AGMO: variants seen among roughly 807,000 people sequenced by gnomAD.
AGMO encodes the protein glyceryl-ether monooxygenase.
Under a neutral mutation model 60.2 loss-of-function variants are expected in AGMO, and 75 were observed. The ratio of observed to expected loss-of-function variants is 1.25; its 90% CI spans 1.03 to 1.51. The LOEUF (loss-of-function observed/expected upper bound fraction) is 1.51. Among genes scored for constraint, AGMO ranks in the 40% most tolerant of loss-of-function variants. The pLI is 0.00. For synonymous variants in AGMO, 261 were observed against 177.1 expected, an observed-to-expected ratio of 1.47 and a Z score of -3.76; for missense variants, 763 against 525.5, an observed-to-expected ratio of 1.45 and a Z score of -4.42.
intron 2 of AGMO, among the ~76,000 whole-genome samples, chr7:15,552,491 C>G (rs1437199230): frequency 6.7e-6 from 1 of 149,524 alleles, no homozygotes; most frequent in African/African-American, 2.5e-5. Context: ...ACAAACAACC[C>G]CATCAAAAAG....
intron 12 of AGMO, among the ~76,000 whole-genome samples, chr7:15,237,858 T>A (rs887907544): frequency 6.6e-6 from 1 of 152,106 alleles, no homozygotes; most frequent in African/African-American, 2.4e-5. Flanking sequence ...CTCTGCCCCT[T>A]TGAATATAAA....
chr7:15,145,612 T>C, the AGMO span, among the ~76,000 whole-genome samples: 1 of 152,152 alleles, frequency 6.6e-6, no homozygotes, highest in Admixed American at 6.5e-5. Flanking sequence ...TAAACCCTAG[T>C]GTTTTAAAGG....
chr7:15,405,932 C>T (rs559186909), intron 5 of AGMO, among the ~76,000 whole-genome samples: 1 of 151,884 alleles, frequency 6.6e-6, no homozygotes, highest in South Asian at 2.1e-4. Context: ...ACTCTCTTAT[C>T]CCTGAAATGT....
At chr7:15,230,500 C>G (rs759510549) in intron 12 of AGMO, among the ~76,000 whole-genome samples, 5 of 152,154 alleles carry the variant, frequency 3.3e-5, no homozygotes, top group African/African-American at 7.2e-5. Flanking sequence ...CTCCTCACAC[C>G]AGACTTGGTG....
intron 2 of AGMO, among the ~76,000 whole-genome samples, chr7:15,558,015 CTCT>C (rs1279244688): frequency 2.0e-5 from 3 of 150,248 alleles, no homozygotes. Context: ...CTCTCTCTCT[CTCT>C]CCCCCCTTTC....
rs1471981021 is a variant in AGMO, at chr7:15,322,711, TATAA to T, written c.1263+42799_1263+42802del. On this transcript the variant is annotated intron_variant, in intron 12 of 12. Transcript: ENST00000342526. ...AAATATATGAATATGTATAAATATA[TATAA>T]ATATATAAATATATATATAAATATA... 4.6e-5 allele frequency among the ~76,000 whole-genome samples: 2 copies of T among 43,802 alleles called. 1 individual carries two copies. Among genetic ancestry groups the T allele is most frequent in the African/African-American group, 2.6e-4 (2 of 7,672 alleles). The allele number at this position is 43,802 out of a possible 152,430, so 28.7% of individuals were successfully genotyped here.
chr7:15,554,268 T>G (rs926594962), intron 2 of AGMO, among the ~76,000 whole-genome samples: 1 of 152,044 alleles, frequency 6.6e-6, no homozygotes, highest in Non-Finnish European at 1.5e-5. Flanking sequence ...ATTTAAACTG[T>G]CTAAACTCCA....
intron 6 of AGMO, among the ~76,000 whole-genome samples, chr7:15,392,289 GGT>G (rs561056679): frequency 2.7e-3 from 403 of 146,606 alleles, no homozygotes; most frequent in Non-Finnish European, 4.4e-3. Context: ...TAGCCAGGAT[GGT>G]GTCTTATCTC....
intron 3 of AGMO, among the ~76,000 whole-genome samples, chr7:15,465,535 G>A (rs769135205): frequency 5.3e-5 from 8 of 149,964 alleles, no homozygotes; most frequent in Middle Eastern, 3.2e-3. Context: ...CAATTCTCCC[G>A]CCTCAGCCTC....
the AGMO span, among the ~76,000 whole-genome samples, chr7:15,169,844 C>A: frequency 6.6e-6 from 1 of 152,276 alleles, no homozygotes; most frequent in East Asian, 1.9e-4. Context: ...TTGTTTCAGT[C>A]TTCTTCAGGT....
chr7:15,336,530 T>C (rs1206377027), intron 12 of AGMO, among the ~76,000 whole-genome samples: 1 of 152,156 alleles, frequency 6.6e-6, no homozygotes, highest in African/African-American at 2.4e-5. Context: ...TGCTGTTGAA[T>C]AGAAGATATT....
At chr7:15,527,929 G>GA (rs201334911) in intron 3 of AGMO, among the ~76,000 whole-genome samples, 2,485 of 150,658 alleles carry the variant, frequency 0.016, 31 homozygotes, top group Non-Finnish European at 0.024. Flanking sequence ...GTATTGCTCT[G>GA]AAAAAAAAAG....
intron 3 of AGMO, among the ~76,000 whole-genome samples, chr7:15,471,510 T>G (rs1300990828): frequency 2.0e-5 from 3 of 151,934 alleles, no homozygotes; most frequent in Non-Finnish European, 4.4e-5. Context: ...TCAACCACAC[T>G]TGGCAGGGCA....
intron 3 of AGMO, among the ~76,000 whole-genome samples, chr7:15,431,878 A>T (rs1455166006): frequency 6.6e-6 from 1 of 151,842 alleles, no homozygotes; most frequent in Admixed American, 6.6e-5. Context: ...TTTTAAAAAA[A>T]TTTTTACAAC....
At chr7:15,498,434 T>C (rs1222066110) in intron 3 of AGMO, among the ~76,000 whole-genome samples, 7 of 152,002 alleles carry the variant, frequency 4.6e-5, no homozygotes, top group Non-Finnish European at 1.0e-4. Flanking sequence ...ATTGTATACA[T>C]ACAGGAAGCA....
chr7:15,156,513 C>A, the AGMO span, among the ~76,000 whole-genome samples: 901 of 152,294 alleles, frequency 5.9e-3, 3 homozygotes, highest in Non-Finnish European at 9.8e-3. Context: ...GGAGTTCTGT[C>A]TCTGCCAACT....
chr7:15,536,939 T>C (rs1562560789), intron 3 of AGMO, among the ~76,000 whole-genome samples: 2 of 152,138 alleles, frequency 1.3e-5, no homozygotes, highest in African/African-American at 4.8e-5. Flanking sequence ...AAAATGGCTG[T>C]ATTCAAATAT....
chr7:15,551,096 A>G (rs1325201008), intron 2 of AGMO, among the ~76,000 whole-genome samples: 2 of 152,178 alleles, frequency 1.3e-5, no homozygotes, highest in East Asian at 3.9e-4. Context: ...ATGCAGGAAA[A>G]GCCTTTGACA....
intron 1 of AGMO, 113 bp from the exon 2 acceptor site, chr7:15,560,384 G>T (rs780010549): frequency 4.2e-5 from 46 of 1,105,274 alleles, no homozygotes; most frequent in Non-Finnish European, 5.3e-5. Flanking sequence ...AGCCCTGCAG[G>T]AGATGGTAGA....
Sources: gnomAD v4.1 joint callset for allele counts (sites outside exome capture counted in the v4.1 genomes callset) on GRCh38, gnomAD v4.1.1 for gene constraint, MANE v1.5 for transcripts, NCBI Gene and HGNC (gene_info 2026-07-23, HGNC 2026-07-21) for gene names.